The following COPS3 variants were observed in gnomAD, a reference collection of about 807,000 sequenced individuals.
COPS3 encodes the protein COP9 signalosome complex subunit 3.
In COPS3, 10 loss-of-function variants were observed where a neutral mutation model predicts 58.2. The ratio of observed to expected loss-of-function variants is 0.17; its 90% CI spans 0.11 to 0.29. The LOEUF (loss-of-function observed/expected upper bound fraction) is 0.29, where lower values mean the gene tolerates loss of function less well. COPS3 is among the 10% of genes least tolerant of loss of function. The probability of loss-of-function intolerance (pLI) is 1.00; values close to 1 mark genes in which losing one functional copy is unlikely to be tolerated. For synonymous variants in COPS3, 187 were observed against 181.7 expected, an observed-to-expected ratio of 1.03 and a Z score of -0.24; for missense variants, 333 against 510.1, an observed-to-expected ratio of 0.65 and a Z score of 3.34.
At chr17:17,252,420 T>C (rs2047868670) in intron 9 of COPS3, among the ~76,000 whole-genome samples, 1 of 151,558 alleles carries the variant, frequency 6.6e-6, no homozygotes, top group Non-Finnish European at 1.5e-5. Context: ...CGCTTTGGTG[T>C]GTGGGCTGTC....
intron 8 of COPS3, among the ~76,000 whole-genome samples, chr17:17,257,788 C>A (rs1316260868): frequency 6.9e-6 from 1 of 145,466 alleles, no homozygotes; most frequent in African/African-American, 2.6e-5. Flanking sequence ...CAGAGCAAGA[C>A]TCCGTCTCAA....
At chr17:17,252,578 G>A (rs1318849173) in intron 9 of COPS3, among the ~76,000 whole-genome samples, 2 of 152,170 alleles carry the variant, frequency 1.3e-5, no homozygotes, top group Non-Finnish European at 2.9e-5. Flanking sequence ...ATGTCTCCTG[G>A]CAGACAAAAT....
intron 9 of COPS3, 45 bp downstream of exon 9, chr17:17,254,814 G>GAA (rs71152853): frequency 0.16 from 125,627 of 806,252 alleles, 1,494 homozygotes; most frequent in East Asian, 0.21. Context: ...ATCTCAAAAA[G>GAA]AAAAAAAAAA....
chr17:17,275,815 G>A (rs968879449), intron 2 of COPS3, among the ~76,000 whole-genome samples: 2 of 152,204 alleles, frequency 1.3e-5, no homozygotes, highest in South Asian at 2.1e-4. Context: ...GGTGGCGAGT[G>A]CCTGTAGTCC....
At position 17,276,167 on chromosome 17, in the gene COPS3, G is replaced by A. The variant is rs4985761; in HGVS notation, c.56-3C>T. The A allele has an allele frequency of 0.48, 772,814 of 1,612,640 alleles. 193,142 individuals carry two copies. Among genetic ancestry groups the A allele is most frequent in the East Asian group, 0.63 (28,155 of 44,834 alleles). The stretch of plus-strand genomic sequence containing the variant: ...TTCACAAAGCTGTGTCATTTGCCCT[G>A]GAAAACAGGAACAACACTATTGCAT... On this transcript the variant is annotated splice_polypyrimidine_tract_variant and splice_region_variant and intron_variant, in intron 1 of 11. Coordinates refer to ENST00000268717, the MANE Select transcript of COPS3 (RefSeq NM_003653.4).
intron 6 of COPS3, among the ~76,000 whole-genome samples, chr17:17,263,152 G>C (rs894193494): frequency 6.6e-6 from 1 of 151,764 alleles, no homozygotes; most frequent in Non-Finnish European, 1.5e-5. Flanking sequence ...GCCAGGTGTG[G>C]TGGCAGGCAC....
intron 9 of COPS3, among the ~76,000 whole-genome samples, chr17:17,254,305 C>CAA (rs138830479): frequency 5.0e-4 from 45 of 89,950 alleles, no homozygotes; most frequent in African/African-American, 9.6e-4. Context: ...GAAGCCATCT[C>CAA]AAAAAAAAAA....
At chr17:17,262,151 T>A in intron 6 of COPS3, 45 bp from the exon 7 acceptor site, 1 of 1,554,020 alleles carries the variant, frequency 6.4e-7, no homozygotes, top group Non-Finnish European at 8.7e-7. Context: ...CATACCACAG[T>A]AGCAAACAAC....
chr17:17,254,972 C>T, intron 8 of COPS3, 27 bp from the exon 9 acceptor site: 2 of 1,492,756 alleles, frequency 1.3e-6, no homozygotes, highest in Non-Finnish European at 1.9e-6. Flanking sequence ...GAATTAGTCA[C>T]AGGTAGGAAC....
rs573799578 is a variant in COPS3, at chr17:17,266,685, G to T, written c.441+1200C>A. 7.9e-5 allele frequency among the ~76,000 whole-genome samples: 12 copies of T among 152,080 alleles called. No homozygotes were observed. The East Asian group carries it at 2.3e-3, about 29-fold the overall frequency. ...GTAGTGGTGCACGTCCACAATCCCA[G>T]CTACTCAGGAGGCTGAGGAAGGAGA... On this transcript the variant is annotated intron_variant, in intron 5 of 11. Coordinates refer to ENST00000268717, the MANE Select transcript of COPS3 (RefSeq NM_003653.4).
chr17:17,253,237 C>T (rs139925271), intron 9 of COPS3, among the ~76,000 whole-genome samples: 258 of 152,008 alleles, frequency 1.7e-3, no homozygotes, highest in African/African-American at 5.8e-3. Flanking sequence ...ATCAATCAAT[C>T]AATCAATCAA....
At chr17:17,269,155 C>T (rs1308711798) in intron 4 of COPS3, among the ~76,000 whole-genome samples, 3 of 152,022 alleles carry the variant, frequency 2.0e-5, no homozygotes, top group Non-Finnish European at 4.4e-5. Context: ...GGCAAAACCT[C>T]ACCTCTATTA....
Position 17,270,801 on chromosome 17 carries a change from C to T in COPS3, c.305G>A (p.Gly102Glu). The change falls in exon 4 of 12, where the codon GGG (glycine) becomes GAG (glutamate). Residue 102 changes from glycine (G) to glutamate (E), a missense_variant. Transcript: ENST00000268717. Reference sequence around the variant, plus strand: ...TGCATTTGTTAGCTGATGGCAAAGCCCAGCAACTAGATACAATAACAAAAT... The same window carrying T: ...TGCATTTGTTAGCTGATGGCAAAGCTCAGCAACTAGATACAATAACAAAAT... ...HIRYATDTFA[G>E]LCHQLTNALV... is the part of the protein sequence containing the mutation. The T allele has an allele frequency of 6.3e-7, 1 of 1,599,010 alleles. No homozygotes were observed. The highest frequency in any genetic ancestry group is 8.5e-7 in the Non-Finnish European group (1 of 1,171,570).
Position 17,264,796 on chromosome 17 carries a change from G to C in COPS3, c.621+6C>G. On this transcript the variant is annotated splice_donor_region_variant and intron_variant, in intron 6 of 11. Transcript: ENST00000268717. ...AACAACCTCAGCTAATTTTTAGAGA[G>C]ATTACCTGTTCATAAAAGTAGAGAG... 6.3e-7 allele frequency: 1 copy of C among 1,598,924 alleles called. No individual in the cohort carries two copies.
At chr17:17,278,731 C>T (rs2048512208) in intron 1 of COPS3, among the ~76,000 whole-genome samples, 1 of 151,914 alleles carries the variant, frequency 6.6e-6, no homozygotes, top group Non-Finnish European at 1.5e-5. Flanking sequence ...CCAGTTGAGA[C>T]TGAAATAAAA....
chr17:17,268,070 T>C lies in COPS3; in HGVS notation c.349-93A>G, dbSNP rs186437302. The C allele has an allele frequency of 1.6e-3, 2,271 of 1,457,118 alleles. 4 individuals carry two copies. The highest frequency in any genetic ancestry group is 5.5e-3 in the Admixed American group (246 of 44,332). The allele number at this position is 1,457,118 out of a possible 1,614,324, so 90.3% of individuals were successfully genotyped here. A position where few individuals can be genotyped will look rare whatever the true frequency, so the allele number is the denominator to read the frequency against. On this transcript the variant is annotated intron_variant, in intron 4 of 11. Transcript: ENST00000268717. The stretch of plus-strand genomic sequence containing the variant: ...ACTTATAAATAAAAAATAACACTAA[T>C]TGATAGGTTCCTTTAAATAGCAATA...
intron 8 of COPS3, among the ~76,000 whole-genome samples, chr17:17,259,230 A>C (rs542745955): frequency 6.6e-6 from 1 of 152,300 alleles, no homozygotes; most frequent in African/African-American, 2.4e-5. Flanking sequence ...TGTGCACAGG[A>C]ACAGATGCAC....
At chr17:17,247,797 G>C (rs1290355527) in intron 10 of COPS3, 1 of 423,186 alleles carries the variant, frequency 2.4e-6, no homozygotes, top group African/African-American at 2.0e-5. Context: ...CAAACACATA[G>C]TATCTTTTGC....
rs570975654 is a variant in COPS3, at chr17:17,256,308, A to C, written c.937-1363T>G. Among the ~76,000 whole-genome samples, 8 of 152,284 alleles carry C rather than the reference A, an allele frequency of 5.3e-5. No individual in the cohort carries two copies. In the South Asian group the frequency reaches 1.0e-3, roughly 20 times the overall value. On this transcript the variant is annotated intron_variant, in intron 8 of 11. Transcript: ENST00000268717. ...CCAAGGTATGCACATCATTATGAAG[A>C]TTTTCATCTTTTGAATTTTGTATTA... is the stretch of plus-strand genomic sequence containing the variant.
Sources: gnomAD v4.1 joint callset for allele counts (sites outside exome capture counted in the v4.1 genomes callset) on GRCh38, gnomAD v4.1.1 for gene constraint, MANE v1.5 for transcripts, NCBI Gene and HGNC (gene_info 2026-07-23, HGNC 2026-07-21) for gene names.